The following FBXL17 variants were observed in gnomAD, a reference collection of about 807,000 sequenced individuals.
FBXL17 encodes F-box/LRR-repeat protein 17.
A neutral mutation model predicts 66.2 loss-of-function variants in FBXL17; 22 were observed. The ratio of observed to expected loss-of-function variants is 0.33; its 90% CI spans 0.24 to 0.47. The LOEUF is 0.47. FBXL17 is among the 20% of genes least tolerant of loss of function. The pLI is 1.00. For synonymous variants in FBXL17, 474 were observed against 400.5 expected (o/e 1.18, Z -2.19); for missense variants, 878 against 948.2 (o/e 0.93, Z 0.97).
chr5:108,199,983 C>G (rs922139354), intron 5 of FBXL17, among the ~76,000 whole-genome samples: 3 of 151,158 alleles, frequency 2.0e-5, no homozygotes, highest in Non-Finnish European at 1.5e-5. Context: ...AAGCTGATCC[C>G]TTCAGCATCC....
chr5:107,910,224 T>G (rs767489054), intron 7 of FBXL17, among the ~76,000 whole-genome samples: 1 of 152,132 alleles, frequency 6.6e-6, no homozygotes. Flanking sequence ...ATAATACAAT[T>G]GGGCCTGACT....
chr5:108,347,112 T>C (rs973336884), intron 4 of FBXL17, among the ~76,000 whole-genome samples: 1 of 152,278 alleles, frequency 6.6e-6, no homozygotes, highest in East Asian at 1.9e-4. Context: ...CATTAGGTAA[T>C]TTTGTCATTG....
chr5:108,309,890 C>T (rs917297064), intron 4 of FBXL17, among the ~76,000 whole-genome samples: 2 of 152,004 alleles, frequency 1.3e-5, no homozygotes, highest in Admixed American at 6.6e-5. Context: ...TTCTCTACCC[C>T]TCATCTACTT....
chr5:108,336,430 G>A (rs552382581), intron 4 of FBXL17, among the ~76,000 whole-genome samples: 67 of 152,134 alleles, frequency 4.4e-4, no homozygotes, highest in Non-Finnish European at 8.1e-4. Flanking sequence ...ATCTTTTCAA[G>A]AATCAAGTAG....
chr5:108,377,949 T>G (rs187167103), intron 1 of FBXL17, among the ~76,000 whole-genome samples: 31 of 152,332 alleles, frequency 2.0e-4, no homozygotes, highest in African/African-American at 7.5e-4. Flanking sequence ...ATCTTTTATA[T>G]AAAAGTGATA....
At chr5:108,231,917 T>C (rs1257970432) in intron 4 of FBXL17, among the ~76,000 whole-genome samples, 1 of 152,092 alleles carries the variant, frequency 6.6e-6, no homozygotes, top group African/African-American at 2.4e-5. Flanking sequence ...CCAATCCAGG[T>C]AGGACTACAA....
chr5:107,921,685 T>C (rs972936706), intron 7 of FBXL17, among the ~76,000 whole-genome samples: 1 of 152,162 alleles, frequency 6.6e-6, no homozygotes, highest in East Asian at 1.9e-4. Context: ...CAGCAAGAGC[T>C]GCCCAAGGTG....
chr5:108,053,526 T>C (rs1747565842), intron 6 of FBXL17, among the ~76,000 whole-genome samples: 1 of 151,798 alleles, frequency 6.6e-6, no homozygotes, highest in African/African-American at 2.4e-5. Context: ...TCAACATCAC[T>C]GATCATTGGA....
At chr5:108,047,156 G>T (rs288131) in intron 6 of FBXL17, among the ~76,000 whole-genome samples, 23,900 of 152,220 alleles carry the variant, frequency 0.16, 2,275 homozygotes, top group South Asian at 0.42. Flanking sequence ...CAGCTGGCGT[G>T]ATCTATGGAG....
At chr5:108,270,968 C>T (rs1239240517) in intron 4 of FBXL17, among the ~76,000 whole-genome samples, 2 of 152,052 alleles carry the variant, frequency 1.3e-5, no homozygotes, top group African/African-American at 2.4e-5. Context: ...TTCCCCCTCT[C>T]CTTCTCCACA....
intron 6 of FBXL17, among the ~76,000 whole-genome samples, chr5:108,183,595 G>C (rs1034816609): frequency 6.6e-6 from 1 of 151,962 alleles, no homozygotes; most frequent in African/African-American, 2.4e-5. Flanking sequence ...AGTAACTTTA[G>C]GGGCACAAGT....
chr5:108,104,072 G>A (rs1749698828), intron 6 of FBXL17, among the ~76,000 whole-genome samples: 1 of 152,124 alleles, frequency 6.6e-6, no homozygotes, highest in Non-Finnish European at 1.5e-5. Flanking sequence ...CTTCACTCTT[G>A]TTGCCCAAGC....
intron 6 of FBXL17, among the ~76,000 whole-genome samples, chr5:108,138,844 G>A (rs1049772369): frequency 5.3e-5 from 8 of 152,076 alleles, no homozygotes; most frequent in African/African-American, 1.9e-4. Flanking sequence ...TGAAAAAGAG[G>A]CATAAAGAGG....
At chr5:108,296,809 C>T (rs934840919) in intron 4 of FBXL17, among the ~76,000 whole-genome samples, 2 of 151,208 alleles carry the variant, frequency 1.3e-5, no homozygotes, top group African/African-American at 2.4e-5. Context: ...ATACATACTT[C>T]GACAGTATCC....
At chr5:108,161,241 G>A (rs1752206162) in intron 6 of FBXL17, among the ~76,000 whole-genome samples, 1 of 151,808 alleles carries the variant, frequency 6.6e-6, no homozygotes, top group South Asian at 2.1e-4. Context: ...CCAGCACTTT[G>A]GGAGGCCCAG....
chr5:108,103,805 A>G (rs1749688701), intron 6 of FBXL17, among the ~76,000 whole-genome samples: 2 of 152,104 alleles, frequency 1.3e-5, no homozygotes, highest in African/African-American at 4.8e-5. Flanking sequence ...TAGTTTTTGT[A>G]TTGACTACAT....
chr5:108,202,924 G>A (rs1753956890), intron 5 of FBXL17, among the ~76,000 whole-genome samples: 1 of 152,046 alleles, frequency 6.6e-6, no homozygotes, highest in Non-Finnish European at 1.5e-5. Flanking sequence ...GTTACACAGT[G>A]CGTTTAACTT....
At chr5:108,243,261 A>C (rs1755941528) in intron 4 of FBXL17, among the ~76,000 whole-genome samples, 1 of 152,218 alleles carries the variant, frequency 6.6e-6, no homozygotes, top group African/African-American at 2.4e-5. Flanking sequence ...ACTTTCCTTC[A>C]ATTTGCTGAC....
chr5:108,373,319 A>T lies in FBXL17; in HGVS notation c.994-5366T>A, dbSNP rs574034143. Among the ~76,000 whole-genome samples, 248 of 89,264 alleles carry T rather than the reference A, an allele frequency of 2.8e-3. 2 individuals carry two copies. Among genetic ancestry groups the T allele is most frequent in the African/African-American group, 0.011 (230 of 21,332 alleles). The allele number at this position is 89,264 out of a possible 152,430, so 58.6% of individuals were successfully genotyped here. On this transcript the variant is annotated intron_variant, in intron 1 of 8. Transcript: ENST00000542267. ...TATAATATATATCTAAATATATTAA[A>T]TTTTTATTAATATATATCTAAATAT... is the stretch of plus-strand genomic sequence containing the variant.
Sources: gnomAD v4.1 joint callset for allele counts (sites outside exome capture counted in the v4.1 genomes callset) on GRCh38, gnomAD v4.1.1 for gene constraint, MANE v1.5 for transcripts, NCBI Gene and HGNC (gene_info 2026-07-23, HGNC 2026-07-21) for gene names.